OR2L13: variants seen among roughly 807,000 people sequenced by gnomAD.
OR2L13 encodes olfactory receptor 2L13.
Under a neutral mutation model 15.3 loss-of-function variants are expected in OR2L13, and 14 were observed. The ratio of observed to expected loss-of-function variants is 0.91; its 90% CI spans 0.60 to 1.43. The LOEUF (loss-of-function observed/expected upper bound fraction) is 1.43. OR2L13 is among the 40% of genes most tolerant of loss of function. The probability of loss-of-function intolerance (pLI) is 0.00; values close to 1 mark genes in which losing one functional copy is unlikely to be tolerated. For missense variants in OR2L13, 367 were observed against 387.9 expected (o/e 0.95, Z 0.45); for synonymous variants, 152 against 142.9 (o/e 1.06, Z -0.45).
the OR2L13 span, among the ~76,000 whole-genome samples, chr1:248,016,593 C>T: frequency 6.6e-6 from 1 of 151,936 alleles, no homozygotes; most frequent in African/African-American, 2.4e-5. Flanking sequence ...GTAAATTTAA[C>T]CTCTGTCTTT....
the OR2L13 span, chr1:247,966,175 T>A: frequency 6.2e-7 from 1 of 1,614,116 alleles, no homozygotes; most frequent in Non-Finnish European, 8.5e-7. Flanking sequence ...CTCCTTGCGT[T>A]CCCCTTCACG....
the OR2L13 span, among the ~76,000 whole-genome samples, chr1:248,079,367 T>G: frequency 6.6e-6 from 1 of 152,312 alleles, no homozygotes; most frequent in Admixed American, 6.5e-5. Flanking sequence ...TAAGTTATGA[T>G]TTTTCCCTAA....
At chr1:248,071,506 C>T in the OR2L13 span, among the ~76,000 whole-genome samples, 1 of 152,034 alleles carries the variant, frequency 6.6e-6, no homozygotes, top group Non-Finnish European at 1.5e-5. Flanking sequence ...TATGACAAAC[C>T]CACAGCCAAT....
the OR2L13 span, among the ~76,000 whole-genome samples, chr1:247,976,451 A>G: frequency 6.6e-6 from 1 of 151,046 alleles, no homozygotes. Flanking sequence ...TTTCCATAAA[A>G]CTTATACTGT....
the OR2L13 span, among the ~76,000 whole-genome samples, chr1:247,948,526 T>C: frequency 6.6e-6 from 1 of 152,144 alleles, no homozygotes; most frequent in Non-Finnish European, 1.5e-5. Context: ...TTTTTCAAAA[T>C]AGGTAAAAAT....
chr1:248,043,951 T>G, the OR2L13 span, among the ~76,000 whole-genome samples: 3 of 152,292 alleles, frequency 2.0e-5, no homozygotes, highest in East Asian at 5.8e-4. Context: ...AAGAATGCCT[T>G]TGTTCTTAGG....
At chr1:247,990,646 T>A in the OR2L13 span, 1 of 1,532,440 alleles carries the variant, frequency 6.5e-7, no homozygotes, top group Admixed American at 1.7e-5. Context: ...GGCTATTTGC[T>A]TTCCTCTCCA....
At chr1:247,939,766 TAA>T in the OR2L13 span, 1 of 152,144 alleles carries the variant, frequency 6.6e-6, no homozygotes, top group Non-Finnish European at 1.5e-5. Context: ...CCAATAATAA[TAA>T]AGTTTTTACA....
the OR2L13 span, among the ~76,000 whole-genome samples, chr1:248,068,415 C>G: frequency 6.6e-6 from 1 of 152,182 alleles, no homozygotes; most frequent in Non-Finnish European, 1.5e-5. Context: ...TAGCAAACTG[C>G]AACAGACCTG....
chr1:247,959,275 C>A, the OR2L13 span, among the ~76,000 whole-genome samples: 1 of 152,146 alleles, frequency 6.6e-6, no homozygotes, highest in East Asian at 1.9e-4. Flanking sequence ...TTGGCCCCCA[C>A]TCTCTTCTGG....
the OR2L13 span, among the ~76,000 whole-genome samples, chr1:248,082,371 A>G: frequency 1.1e-5 from 1 of 90,858 alleles, no homozygotes; most frequent in African/African-American, 4.3e-5. Context: ...AGGGGGGAGG[A>G]TAGCATTGGG....
chr1:247,980,946 T>C, the OR2L13 span: 1 of 152,208 alleles, frequency 6.6e-6, no homozygotes, highest in Admixed American at 6.5e-5. Flanking sequence ...GTACTAATTA[T>C]ATTTGTATTT....
the OR2L13 span, among the ~76,000 whole-genome samples, chr1:247,970,890 G>A: frequency 6.6e-6 from 1 of 152,152 alleles, no homozygotes; most frequent in African/African-American, 2.4e-5. Context: ...GAGGAGACAG[G>A]TCAGCTGGCC....
At chr1:248,057,401 G>T in the OR2L13 span, among the ~76,000 whole-genome samples, 9 of 152,048 alleles carry the variant, frequency 5.9e-5, no homozygotes, top group African/African-American at 2.2e-4. Flanking sequence ...GCCCTTCTTT[G>T]TCTTTTTTGA....
At chr1:248,038,790 C>A in the OR2L13 span, 33 of 1,614,030 alleles carry the variant, frequency 2.0e-5, no homozygotes, top group Non-Finnish European at 2.6e-5. Flanking sequence ...AGCCATCAAT[C>A]ATTTTTTCTG....
At chr1:248,030,873 T>C in the OR2L13 span, among the ~76,000 whole-genome samples, 2 of 152,176 alleles carry the variant, frequency 1.3e-5, no homozygotes, top group African/African-American at 4.8e-5. Flanking sequence ...TATCATTCCA[T>C]TCATGTAGGA....
chr1:248,048,083 A>C, the OR2L13 span, among the ~76,000 whole-genome samples: 1 of 152,184 alleles, frequency 6.6e-6, no homozygotes, highest in East Asian at 1.9e-4. Context: ...ATTCCAAAAT[A>C]ACAGTCAAAG....
chr1:248,041,212 A>G, the OR2L13 span: 1 of 152,186 alleles, frequency 6.6e-6, no homozygotes, highest in African/African-American at 2.4e-5. Context: ...CCGCATATCT[A>G]CAACTATCTG....
the OR2L13 span, among the ~76,000 whole-genome samples, chr1:248,049,163 C>T: frequency 2.3e-3 from 350 of 152,228 alleles, 5 homozygotes; most frequent in Middle Eastern, 3.4e-3. Flanking sequence ...ACTGCACAGT[C>T]GTGAATAACT....
Sources: gnomAD v4.1 joint callset for allele counts (sites outside exome capture counted in the v4.1 genomes callset) on GRCh38, gnomAD v4.1.1 for gene constraint, MANE v1.5 for transcripts, NCBI Gene and HGNC (gene_info 2026-07-23, HGNC 2026-07-21) for gene names.